PTPRC: variants seen among roughly 807,000 people sequenced by gnomAD.
PTPRC encodes the protein protein tyrosine phosphatase receptor type C.
Under a neutral mutation model 155.9 loss-of-function variants are expected in PTPRC, and 44 were observed. The ratio of observed to expected loss-of-function variants is 0.28; its 90% CI spans 0.22 to 0.36. PTPRC has a LOEUF of 0.36. PTPRC is among the 10% of genes least tolerant of loss of function. The pLI, the probability that PTPRC is intolerant of heterozygous loss-of-function variation, is 1.00. For missense variants in PTPRC, 1,401 were observed against 1,564.6 expected, an observed-to-expected ratio of 0.90 and a Z score of 1.76; for synonymous variants, 525 against 533.1, an observed-to-expected ratio of 0.98 and a Z score of 0.21.
intron 2 of PTPRC, among the ~76,000 whole-genome samples, chr1:198,654,390 A>G (rs1427304714): frequency 2.0e-5 from 3 of 151,902 alleles, no homozygotes; most frequent in African/African-American, 7.2e-5. Context: ...TGTGATAGCT[A>G]AGATTTCATT....
chr1:198,717,384 T>C (rs1239913449), intron 13 of PTPRC, among the ~76,000 whole-genome samples: 7 of 152,202 alleles, frequency 4.6e-5, no homozygotes, highest in Admixed American at 2.6e-4. Context: ...AATCTCTCCA[T>C]AGTTTCCAGG....
At chr1:198,723,714 C>A (rs1270697015) in intron 15 of PTPRC, among the ~76,000 whole-genome samples, 2 of 152,210 alleles carry the variant, frequency 1.3e-5, no homozygotes, top group African/African-American at 4.8e-5. Context: ...ACAAAAAGCA[C>A]AGCATGCTAG....
chr1:198,743,264 A>C (rs574578608), intron 25 of PTPRC, among the ~76,000 whole-genome samples: 32 of 151,864 alleles, frequency 2.1e-4, no homozygotes, highest in African/African-American at 4.8e-4. Context: ...GAAAACAATG[A>C]GTGAGTAAAG....
intron 27 of PTPRC, among the ~76,000 whole-genome samples, chr1:198,748,468 T>C (rs1336241839): frequency 2.0e-5 from 3 of 151,820 alleles, no homozygotes; most frequent in East Asian, 1.9e-4. Flanking sequence ...AAAAGAGAAA[T>C]ATATAAAGCT....
chr1:198,712,287 A>C (rs1243546264), intron 11 of PTPRC, among the ~76,000 whole-genome samples: 1 of 152,230 alleles, frequency 6.6e-6, no homozygotes, highest in Non-Finnish European at 1.5e-5. Context: ...TAAAAAGACA[A>C]ACTTAATCTG....
chr1:198,731,760 C>A (rs773493798), intron 18 of PTPRC, 34 bp downstream of exon 18: 1 of 1,473,042 alleles, frequency 6.8e-7, no homozygotes, highest in South Asian at 1.1e-5. Context: ...ATGATAAATT[C>A]GACATCAAGA....
chr1:198,730,839 A>G (rs1470747960), intron 17 of PTPRC, among the ~76,000 whole-genome samples: 2 of 152,158 alleles, frequency 1.3e-5, no homozygotes, highest in Non-Finnish European at 2.9e-5. Flanking sequence ...GCAATAAGAT[A>G]AATGGGTCAC....
chr1:198,717,061 A>G (rs1418301723), intron 13 of PTPRC, among the ~76,000 whole-genome samples: 1 of 152,248 alleles, frequency 6.6e-6, no homozygotes, highest in Admixed American at 6.5e-5. Flanking sequence ...AGGACAAAGC[A>G]TAAAAGCATC....
At chr1:198,687,703 C>A (rs1372379334) in intron 2 of PTPRC, among the ~76,000 whole-genome samples, 2 of 151,892 alleles carry the variant, frequency 1.3e-5, no homozygotes, top group African/African-American at 4.8e-5. Flanking sequence ...TACTTTAAGA[C>A]TGGTAAAATG....
At chr1:198,686,478 C>T (rs28435621) in intron 2 of PTPRC, among the ~76,000 whole-genome samples, 1,987 of 152,214 alleles carry the variant, frequency 0.013, 23 homozygotes, top group Non-Finnish European at 0.016. Context: ...AGATATATTA[C>T]TGTGTTTTAT....
At chr1:198,644,493 T>C (rs1405648340) in intron 2 of PTPRC, among the ~76,000 whole-genome samples, 2 of 151,916 alleles carry the variant, frequency 1.3e-5, no homozygotes, top group Non-Finnish European at 2.9e-5. Context: ...TATCTAATTA[T>C]TGTCTAAAAT....
At chr1:198,711,964 A>T (rs1223259647) in intron 11 of PTPRC, among the ~76,000 whole-genome samples, 1 of 152,218 alleles carries the variant, frequency 6.6e-6, no homozygotes, top group Non-Finnish European at 1.5e-5. Flanking sequence ...AAGAATACGG[A>T]TACTACTAAC....
At chr1:198,702,551 T>C (rs1042965738) in intron 6 of PTPRC, 21 bp downstream of exon 6, 14 of 1,613,816 alleles carry the variant, frequency 8.7e-6, no homozygotes, top group African/African-American at 1.3e-5. Context: ...GCTGCTCTAG[T>C]AGTGTCTTCA....
In PTPRC at chr1:198,742,142, C is replaced by T. The variant is rs1654930317; in HGVS notation, c.2562-90C>T. ...GGCAATTGCTATTTTGGGAAACAACCTATGGGAGAAGCTTAGATTCTTATA... is the reference window on the plus strand; with the variant it reads ...GGCAATTGCTATTTTGGGAAACAACTTATGGGAGAAGCTTAGATTCTTATA... On this transcript the variant is annotated intron_variant, in intron 24 of 32. Coordinates refer to ENST00000442510, the MANE Select transcript of PTPRC (RefSeq NM_002838.5). 5 of 1,603,132 alleles carry T rather than the reference C, an allele frequency of 3.1e-6. No individual in the cohort carries two copies. In the South Asian group the frequency reaches 3.3e-5, roughly 11 times the overall value.
At chr1:198,656,942 A>G (rs1232139462) in intron 2 of PTPRC, among the ~76,000 whole-genome samples, 2 of 151,708 alleles carry the variant, frequency 1.3e-5, no homozygotes, top group African/African-American at 4.8e-5. Context: ...TAGGAAAAAA[A>G]ATCAGTTTTG....
chr1:198,682,286 C>A (rs1033126129), intron 2 of PTPRC, among the ~76,000 whole-genome samples: 2 of 152,148 alleles, frequency 1.3e-5, no homozygotes, highest in Admixed American at 6.6e-5. Context: ...ATTTATCAGC[C>A]TTTGCTTTTA....
At chr1:198,733,306 GTTAC>G (rs2102487973) in intron 20 of PTPRC, among the ~76,000 whole-genome samples, 1 of 151,618 alleles carries the variant, frequency 6.6e-6, no homozygotes, top group East Asian at 1.9e-4. Flanking sequence ...ATGGTATCAG[GTTAC>G]TTATGTTTCC....
intron 7 of PTPRC, chr1:198,703,635 A>C: frequency 8.7e-6 from 5 of 573,748 alleles, no homozygotes; most frequent in South Asian, 6.0e-5. Flanking sequence ...ACTTTTTCTC[A>C]CAGGGGTTTA....
chr1:198,680,011 G>A (rs911870737), intron 2 of PTPRC: 59 of 565,760 alleles, frequency 1.0e-4, no homozygotes, highest in African/African-American at 5.3e-4. Context: ...CAGGCTCAAG[G>A]GCCTGGACCG....
Sources: gnomAD v4.1 joint callset for allele counts (sites outside exome capture counted in the v4.1 genomes callset) on GRCh38, gnomAD v4.1.1 for gene constraint, MANE v1.5 for transcripts, NCBI Gene and HGNC (gene_info 2026-07-23, HGNC 2026-07-21) for gene names.